Variants in BRD10 observed in about 807,000 individuals in gnomAD.
The protein encoded by BRD10 is bromodomain containing 10, also known as uncharacterized bromodomain-containing protein 10.
chr9:5,971,281 G>A, the BRD10 span, among the ~76,000 whole-genome samples: 1 of 152,072 alleles, frequency 6.6e-6, no homozygotes, highest in Admixed American at 6.6e-5. Context: ...TGGTGAAAAC[G>A]TGAAGAAACT....
the BRD10 span, among the ~76,000 whole-genome samples, chr9:5,992,208 G>C: frequency 6.6e-6 from 1 of 152,158 alleles, no homozygotes; most frequent in Non-Finnish European, 1.5e-5. Context: ...GAAAGCTCCA[G>C]GAGGATAGGA....
the BRD10 span, among the ~76,000 whole-genome samples, chr9:5,889,942 A>T: frequency 2.0e-5 from 3 of 152,280 alleles, no homozygotes; most frequent in South Asian, 6.2e-4. Flanking sequence ...ATGGAAACCC[A>T]CTATCTCCAG....
chr9:5,941,015 TC>T, the BRD10 span, among the ~76,000 whole-genome samples: 1 of 152,110 alleles, frequency 6.6e-6, no homozygotes, highest in African/African-American at 2.4e-5. Context: ...ATACCCAATC[TC>T]TACAAGGGTC....
the BRD10 span, among the ~76,000 whole-genome samples, chr9:5,961,743 A>G: frequency 5.9e-5 from 9 of 152,230 alleles, no homozygotes; most frequent in Non-Finnish European, 1.0e-4. Flanking sequence ...GTAAAAATGA[A>G]TTCAAAACTT....
At chr9:5,991,256 T>C in the BRD10 span, among the ~76,000 whole-genome samples, 1 of 152,272 alleles carries the variant, frequency 6.6e-6, no homozygotes, top group South Asian at 2.1e-4. Context: ...TTTCATATGA[T>C]ATGTACGCAT....
chr9:5,965,651 G>A, the BRD10 span, among the ~76,000 whole-genome samples: 1 of 152,166 alleles, frequency 6.6e-6, no homozygotes, highest in Non-Finnish European at 1.5e-5. Flanking sequence ...TCTGAAATCT[G>A]AAGATTTCTG....
the BRD10 span, among the ~76,000 whole-genome samples, chr9:5,974,275 C>A: frequency 6.6e-6 from 1 of 152,082 alleles, no homozygotes; most frequent in East Asian, 1.9e-4. Flanking sequence ...AACTGCATAA[C>A]CAGCTAAACT....
At chr9:5,931,798 G>A in the BRD10 span, among the ~76,000 whole-genome samples, 3 of 152,084 alleles carry the variant, frequency 2.0e-5, no homozygotes, top group East Asian at 1.9e-4. Flanking sequence ...CCACAACAAA[G>A]GGCACCCCTA....
the BRD10 span, chr9:5,910,412 C>T: frequency 6.6e-6 from 1 of 152,344 alleles, no homozygotes; most frequent in Non-Finnish European, 1.5e-5. Flanking sequence ...TCTTCTGATA[C>T]TGTCAAGTCT....
chr9:5,992,052 G>A, the BRD10 span, among the ~76,000 whole-genome samples: 42 of 152,214 alleles, frequency 2.8e-4, no homozygotes, highest in African/African-American at 9.9e-4. Context: ...CTGTTCAAAT[G>A]CCACAACATC....
At chr9:5,970,379 C>T in the BRD10 span, among the ~76,000 whole-genome samples, 1 of 152,060 alleles carries the variant, frequency 6.6e-6, no homozygotes, top group East Asian at 1.9e-4. Flanking sequence ...GACAGTGTTG[C>T]AAAAGTAAAT....
At chr9:6,007,810 C>CCTA in the BRD10 span, 1 of 1,447,010 alleles carries the variant, frequency 6.9e-7, no homozygotes, top group South Asian at 1.4e-5. Flanking sequence ...CTAGGCTGGG[C>CCTA]GGTGTGGAAC....
chr9:5,942,482 C>T, the BRD10 span, among the ~76,000 whole-genome samples: 1 of 152,064 alleles, frequency 6.6e-6, no homozygotes, highest in East Asian at 1.9e-4. Context: ...AAGTTAATTC[C>T]TAGAATATCT....
chr9:5,918,204 T>C, the BRD10 span, among the ~76,000 whole-genome samples: 1 of 152,154 alleles, frequency 6.6e-6, no homozygotes, highest in Non-Finnish European at 1.5e-5. Flanking sequence ...TTTCTAGGAA[T>C]ATTTTCACTA....
chr9:5,908,701 C>T, the BRD10 span: 2 of 1,613,894 alleles, frequency 1.2e-6, no homozygotes, highest in Admixed American at 1.7e-5. Context: ...CCACCTTATT[C>T]ACCTTAAGAG....
At chr9:5,947,109 A>C in the BRD10 span, among the ~76,000 whole-genome samples, 3 of 152,172 alleles carry the variant, frequency 2.0e-5, no homozygotes, top group Non-Finnish European at 4.4e-5. Context: ...TCTGAAGCCA[A>C]ACCACGAATG....
chr9:5,913,548 G>A, the BRD10 span, among the ~76,000 whole-genome samples: 8 of 152,100 alleles, frequency 5.3e-5, no homozygotes, highest in African/African-American at 1.9e-4. Context: ...GAGAAACGGA[G>A]GAAAAAAATG....
chr9:5,952,735 G>A, the BRD10 span, among the ~76,000 whole-genome samples: 1 of 152,188 alleles, frequency 6.6e-6, no homozygotes, highest in African/African-American at 2.4e-5. Context: ...CAGGGCTGAT[G>A]CTTTGAGGAC....
chr9:5,914,410 G>GTTTTTT, the BRD10 span, among the ~76,000 whole-genome samples: 10 of 75,486 alleles, frequency 1.3e-4, no homozygotes, highest in African/African-American at 4.7e-4. Flanking sequence ...AATCCAGATG[G>GTTTTTT]TTTTTTTTTT....
Sources: gnomAD v4.1 joint callset for allele counts (sites outside exome capture counted in the v4.1 genomes callset) on GRCh38, gnomAD v4.1.1 for gene constraint, MANE v1.5 for transcripts, NCBI Gene and HGNC (gene_info 2026-07-23, HGNC 2026-07-21) for gene names.